Variants in SARNP observed in about 807,000 individuals in gnomAD.
The protein encoded by SARNP is SAP domain containing ribonucleoprotein.
SARNP carries 5 observed loss-of-function variants against 38.1 expected under a neutral mutation model. The observed-to-expected ratio is 0.13, with a 90% CI of 0.07 to 0.28. SARNP has a LOEUF of 0.28. Ranked by LOEUF, SARNP falls within the 10% of genes least tolerant of loss-of-function variation. The probability of loss-of-function intolerance (pLI) is 1.00; values close to 1 mark genes in which losing one functional copy is unlikely to be tolerated. For missense variants in SARNP, 180 were observed against 243.9 expected (o/e 0.74, Z 1.75); for synonymous variants, 84 against 80.6 (o/e 1.04, Z -0.23).
At chr12:55,812,142 C>T (rs1592584915) in intron 1 of SARNP, among the ~76,000 whole-genome samples, 1 of 152,322 alleles carries the variant, frequency 6.6e-6, no homozygotes, top group Non-Finnish European at 1.5e-5. Flanking sequence ...ATTACCATTG[C>T]TCACTCTGAT....
At chr12:55,779,084 T>G (rs906481512) in intron 9 of SARNP, among the ~76,000 whole-genome samples, 1 of 152,142 alleles carries the variant, frequency 6.6e-6, no homozygotes, top group Admixed American at 6.5e-5. Context: ...CTATGTGAGG[T>G]TGAGTTTTAG....
In SARNP at chr12:55,803,816, AG is replaced by A. The variant is rs1372902757; in HGVS notation, c.37-89del. On this transcript the variant is annotated intron_variant, in intron 1 of 10. Coordinates refer to ENST00000336133, the MANE Select transcript of SARNP (RefSeq NM_033082.4). ...TAGTTCCCACAAGGAAAAGAAAAAA[AG>A]AAAATGAAGTTCCATCCCAAATTAC... 3.4e-5 allele frequency: 28 copies of A among 835,164 alleles called. No individual in the cohort carries two copies. In the Admixed American group the frequency reaches 5.8e-4, roughly 17 times the overall value. The allele number at this position is 835,164 out of a possible 1,614,324, so 51.7% of individuals were successfully genotyped here. A position where few individuals can be genotyped will look rare whatever the true frequency, so the allele number is the denominator to read the frequency against.
Position 55,800,594 on chromosome 12 carries a change from T to G in SARNP, c.219A>C (p.Lys73Asn). 1 of 1,612,674 alleles carries G rather than the reference T, an allele frequency of 6.2e-7. No homozygotes were observed. The highest frequency in any genetic ancestry group is 8.5e-7 in the Non-Finnish European group (1 of 1,179,358). Residue 73 changes from lysine (K) to asparagine (N), a missense_variant, in exon 4 of 11, where the codon AAA becomes AAC. Coordinates refer to ENST00000336133, the MANE Select transcript of SARNP (RefSeq NM_033082.4). Reference protein sequence around the residue: ...EETKPIELPVKEEEPPEKTVD... With the variant: ...EETKPIELPVNEEEPPEKTVD... Reference sequence around the variant, plus strand: ...CAGTTTTTTCAGGGGGTTCTTCCTCTTTGACAGGGAGCTCAATGGGCTTTG... The same window carrying G: ...CAGTTTTTTCAGGGGGTTCTTCCTCGTTGACAGGGAGCTCAATGGGCTTTG...
chr12:55,763,574 T>C (rs1878741293), intron 9 of SARNP, among the ~76,000 whole-genome samples: 1 of 152,214 alleles, frequency 6.6e-6, no homozygotes, highest in African/African-American at 2.4e-5. Context: ...TCCAAAGTGT[T>C]GGGATTACAG....
chr12:55,804,550 G>A lies in SARNP; in HGVS notation c.37-822C>T, dbSNP rs115529553. ...AGTTATATAAAAACTGGGTAAGGGA[G>A]GATTGGCTCAATAGTAACTCAAAGG... On this transcript the variant is annotated intron_variant, in intron 1 of 10. Transcript: ENST00000336133. Among the ~76,000 whole-genome samples, 998 of 152,186 alleles carry A rather than the reference G, an allele frequency of 6.6e-3. 10 individuals carry two copies. Among genetic ancestry groups the A allele is most frequent in the African/African-American group, 0.022 (924 of 41,514 alleles).
At chr12:55,804,967 A>T (rs1880093685) in intron 1 of SARNP, among the ~76,000 whole-genome samples, 1 of 152,222 alleles carries the variant, frequency 6.6e-6, no homozygotes, top group Admixed American at 6.5e-5. Context: ...AGAGTTTTTT[A>T]AAACATATCA....
At chr12:55,761,915 G>A (rs1387459381) in intron 9 of SARNP, 1 of 152,190 alleles carries the variant, frequency 6.6e-6, no homozygotes, top group African/African-American at 2.4e-5. Context: ...ACTCCCTAGA[G>A]ATGTACCCAT....
intron 1 of SARNP, among the ~76,000 whole-genome samples, chr12:55,811,143 G>C (rs1880316114): frequency 6.6e-6 from 1 of 151,846 alleles, no homozygotes; most frequent in Admixed American, 6.6e-5. Flanking sequence ...TAAATTCTTT[G>C]AAGGCAGAGA....
intron 9 of SARNP, among the ~76,000 whole-genome samples, chr12:55,774,883 G>GTTT (rs367957447): frequency 2.1e-4 from 23 of 110,732 alleles, no homozygotes; most frequent in African/African-American, 4.6e-4. Flanking sequence ...ATTTCTATTT[G>GTTT]TTTTTTTTTT....
At chr12:55,797,445 G>A (rs1164146170) in intron 4 of SARNP, among the ~76,000 whole-genome samples, 1 of 152,166 alleles carries the variant, frequency 6.6e-6, no homozygotes, top group Non-Finnish European at 1.5e-5. Flanking sequence ...CTATTCTGAC[G>A]TTTAAAGAAA....
At chr12:55,800,946 T>C (rs1363749250) in intron 2 of SARNP, 46 bp from the exon 3 acceptor site, 1 of 1,465,240 alleles carries the variant, frequency 6.8e-7, no homozygotes, top group Non-Finnish European at 9.6e-7. Context: ...TACAAAACCA[T>C]CTTGATCACT....
chr12:55,817,447 G>C (rs1029382827), intron 1 of SARNP, among the ~76,000 whole-genome samples: 16 of 152,188 alleles, frequency 1.1e-4, no homozygotes, highest in Non-Finnish European at 2.1e-4. Context: ...AATGATGAAG[G>C]AAGCAGAAAT....
In SARNP at chr12:55,808,544, G is replaced by A. The variant is rs916115545; in HGVS notation, c.37-4816C>T. Among the ~76,000 whole-genome samples the A allele has an allele frequency of 2.6e-5, 4 of 152,166 alleles. No homozygotes were observed. In the East Asian group the frequency reaches 5.8e-4, roughly 22 times the overall value. On this transcript the variant is annotated intron_variant, in intron 1 of 10. Coordinates refer to ENST00000336133, the MANE Select transcript of SARNP (RefSeq NM_033082.4). Reference sequence around the variant, plus strand: ...ACTCTCGACCTCAGGTGATCCACCCGCCTCGGCCTCCCAAAGTGCTGGGAT... The same window carrying A: ...ACTCTCGACCTCAGGTGATCCACCCACCTCGGCCTCCCAAAGTGCTGGGAT...
intron 3 of SARNP, 50 bp from the exon 4 acceptor site, chr12:55,800,679 T>A: frequency 6.8e-7 from 1 of 1,471,900 alleles, no homozygotes; most frequent in African/African-American, 1.4e-5. Flanking sequence ...AGAATAAATA[T>A]CTATCAAAAG....
chr12:55,816,562 C>A (rs376498563), intron 1 of SARNP, among the ~76,000 whole-genome samples: 2 of 152,114 alleles, frequency 1.3e-5, no homozygotes, highest in African/African-American at 4.8e-5. Flanking sequence ...CCTCTCCCTA[C>A]CCTTACTACC....
chr12:55,769,242 C>T (rs975647212), intron 9 of SARNP, among the ~76,000 whole-genome samples: 7 of 152,170 alleles, frequency 4.6e-5, no homozygotes, highest in Non-Finnish European at 8.8e-5. Context: ...GTTCAATCAA[C>T]ATTTTCAATA....
In SARNP at chr12:55,794,957, T is replaced by TAA. The variant is rs373511418; in HGVS notation, c.304-79_304-78dup. ...AAAGTCAGTCAGAGGTAGGTATCTT[T>TAA]AAAAAAAAAAAAAAAAAAAAAAAAA... On this transcript the variant is annotated intron_variant, in intron 5 of 10. Coordinates refer to ENST00000336133, the MANE Select transcript of SARNP (RefSeq NM_033082.4). 6.4e-3 allele frequency: 929 copies of TAA among 145,380 alleles called. 16 individuals carry two copies. Among genetic ancestry groups the TAA allele is most frequent in the African/African-American group, 0.018 (428 of 24,066 alleles). 9.0% of individuals were successfully genotyped at this position (145,380 alleles called of 1,614,324 possible). A position where few individuals can be genotyped will look rare whatever the true frequency, so the allele number is the denominator to read the frequency against.
chr12:55,760,532 G>A lies in SARNP; in HGVS notation c.591+19C>T, dbSNP rs1312515677. 14 of 1,435,814 alleles carry A rather than the reference G, an allele frequency of 9.8e-6. No homozygotes were observed. The East Asian group carries it at 1.4e-4, about 14-fold the overall frequency. The allele number at this position is 1,435,814 out of a possible 1,614,324, so 88.9% of individuals were successfully genotyped here. ...AATTTCCCTTCAAGGTCTATGAAGC[G>A]TTCCAGGTATATTTTTACCTCTGTA... is the stretch of plus-strand genomic sequence containing the variant. On this transcript the variant is annotated intron_variant, in intron 10 of 10. Coordinates refer to ENST00000336133, the MANE Select transcript of SARNP (RefSeq NM_033082.4).
At chr12:55,768,926 G>A (rs1351305957) in intron 9 of SARNP, among the ~76,000 whole-genome samples, 1 of 151,950 alleles carries the variant, frequency 6.6e-6, no homozygotes, top group Non-Finnish European at 1.5e-5. Flanking sequence ...GTTTCACCAT[G>A]TTGGCCAGGC....
Sources: allele counts gnomAD v4.1 joint callset (sites outside exome capture counted in the v4.1 genomes callset), GRCh38; gene constraint gnomAD v4.1.1; transcripts MANE v1.5; gene names NCBI Gene and HGNC (gene_info 2026-07-23, HGNC 2026-07-21).